Variants in COL6A5 observed in about 807,000 individuals in gnomAD.
The protein encoded by COL6A5 is collagen alpha-5(VI) chain.
Under a neutral mutation model 65.6 loss-of-function variants are expected in COL6A5, and 48 were observed. The observed-to-expected ratio is 0.73, with a 90% CI of 0.58 to 0.93. The LOEUF is 0.93. Among genes scored for constraint, COL6A5 ranks in the 40% least tolerant of loss-of-function variants. The probability of loss-of-function intolerance (pLI) is 0.00; values close to 1 mark genes in which losing one functional copy is unlikely to be tolerated. For synonymous variants in COL6A5, 291 were observed against 322.8 expected, an observed-to-expected ratio of 0.90 and a Z score of 1.05; for missense variants, 914 against 928.3, an observed-to-expected ratio of 0.98 and a Z score of 0.20.
chr3:130,417,468 T>C (rs1432795681), intron 24 of COL6A5, among the ~76,000 whole-genome samples: 1 of 152,006 alleles, frequency 6.6e-6, no homozygotes, highest in Non-Finnish European at 1.5e-5. Context: ...CTGCCCCCTT[T>C]CCCTAGGAGA....
chr3:130,405,870 C>T (rs1392522222), intron 14 of COL6A5, 123 bp from the exon 15 acceptor site: 1 of 1,036,694 alleles, frequency 9.6e-7, no homozygotes. Flanking sequence ...CATCTCTAAC[C>T]TCTTTGTAGA....
exon 6 of COL6A5, chr3:130,469,185 T>C (rs1709889901): frequency 6.2e-7 from 1 of 1,613,256 alleles, no homozygotes; most frequent in Non-Finnish European, 8.5e-7. Context: ...CAGTGGACAA[T>C]TGACAATGTC....
intron 14 of COL6A5, 41 bp from the exon 15 acceptor site, chr3:130,405,952 T>C: frequency 6.5e-7 from 1 of 1,544,796 alleles, no homozygotes; most frequent in Non-Finnish European, 8.8e-7. Context: ...ATCCACACTC[T>C]GTCTTTGATT....
chr3:130,426,502 C>A (rs1038033378), upstream of COL6A5: 3 of 1,206,882 alleles, frequency 2.5e-6, no homozygotes, highest in African/African-American at 4.5e-5. Flanking sequence ...GATGAGTTCA[C>A]TGGTGGGAAG....
At chr3:130,464,210 C>T (rs1333015226) in intron 5 of COL6A5, among the ~76,000 whole-genome samples, 1 of 152,022 alleles carries the variant, frequency 6.6e-6, no homozygotes, top group East Asian at 1.9e-4. Context: ...CAGCTCAGTG[C>T]AGCCTGAAAC....
exon 5 of COL6A5, chr3:130,455,538 T>C: frequency 6.2e-7 from 1 of 1,612,988 alleles, no homozygotes; most frequent in Non-Finnish European, 8.5e-7. Flanking sequence ...GAATCACCTT[T>C]TGTAAAGACG....
At chr3:130,411,613 G>A (rs1376653788) in intron 20 of COL6A5, among the ~76,000 whole-genome samples, 1 of 152,170 alleles carries the variant, frequency 6.6e-6, no homozygotes, top group South Asian at 2.1e-4. Context: ...AATGTAATAA[G>A]AGGAAGCAGT....
At chr3:130,382,881 C>G (rs980278975) in intron 4 of COL6A5, among the ~76,000 whole-genome samples, 2 of 152,032 alleles carry the variant, frequency 1.3e-5, no homozygotes, top group Non-Finnish European at 2.9e-5. Context: ...GCTATCAATG[C>G]CCAGGGGCTT....
Position 130,395,481 on chromosome 3 carries a change from T to C in COL6A5, c.3568+16T>C. ...GGGAAAACCAGTAAGTGCTTCTTGT[T>C]TGGTTTTCTTCCATGGAAACTTCTC... On this transcript the variant is annotated intron_variant and NMD_transcript_variant, in intron 8 of 41. Coordinates refer to the COL6A5 transcript ENST00000312481. 1.3e-6 allele frequency: 2 copies of C among 1,523,882 alleles called. No individual in the cohort carries two copies. Among genetic ancestry groups the C allele is most frequent in the Non-Finnish European group, 1.8e-6 (2 of 1,136,390 alleles). 94.4% of individuals were successfully genotyped at this position (1,523,882 alleles called of 1,614,324 possible).
chr3:130,412,144 C>T (rs4688797), intron 20 of COL6A5, among the ~76,000 whole-genome samples: 86,206 of 152,126 alleles, frequency 0.57, 27,569 homozygotes, highest in Non-Finnish European at 0.73. Flanking sequence ...AGGCCCTATG[C>T]TTTTTGCCTG....
rs759236399 is a variant in COL6A5, at chr3:130,397,813, G to A, written c.3799G>A (p.Val1267Met). 1.3e-6 allele frequency: 2 copies of A among 1,551,674 alleles called. No homozygotes were observed. The highest frequency in any genetic ancestry group is 2.0e-5 in the Admixed American group (1 of 50,996). Residue 1267 changes from valine (V) to methionine (M), a missense_variant and NMD_transcript_variant, in exon 9 of 42, where the codon GTG becomes ATG. By Grantham distance (21) the Val-to-Met change is conservative (BLOSUM62 1). Coordinates refer to the COL6A5 transcript ENST00000312481. ...CAAGTTCCAAATCTATCAGAAAGCA[G>A]TGTTTGACAGCTTGCTGCAAGTCAA...
At chr3:130,352,742 A>G (rs530559838) in intron 1 of COL6A5, among the ~76,000 whole-genome samples, 1 of 152,324 alleles carries the variant, frequency 6.6e-6, no homozygotes, top group East Asian at 1.9e-4. Flanking sequence ...AGATAACCGT[A>G]TATACTTAAT....
intron 7 of COL6A5, among the ~76,000 whole-genome samples, chr3:130,479,864 T>C (rs1024421838): frequency 6.6e-6 from 1 of 152,098 alleles, no homozygotes; most frequent in Non-Finnish European, 1.5e-5. Context: ...GAGTAACAGG[T>C]ATAATTAATA....
At chr3:130,480,232 T>C (rs955185526) in intron 7 of COL6A5, among the ~76,000 whole-genome samples, 12 of 152,030 alleles carry the variant, frequency 7.9e-5, no homozygotes, top group Non-Finnish European at 1.5e-4. Context: ...TGAACAAAAA[T>C]GTTTACTTTT....
intron 3 of COL6A5, among the ~76,000 whole-genome samples, chr3:130,442,607 T>C (rs1709211968): frequency 6.6e-6 from 1 of 152,172 alleles, no homozygotes. Context: ...CTGGTATTTA[T>C]GGGAATGTTT....
At chr3:130,394,521 G>T (rs1936525243) in intron 7 of COL6A5, among the ~76,000 whole-genome samples, 1 of 152,156 alleles carries the variant, frequency 6.6e-6, no homozygotes, top group Non-Finnish European at 1.5e-5. Flanking sequence ...CAGTAAGTAA[G>T]TGCTATTATC....
exon 7 of COL6A5, chr3:130,470,906 G>C: frequency 6.2e-7 from 1 of 1,612,576 alleles, no homozygotes; most frequent in Non-Finnish European, 8.5e-7. Flanking sequence ...AGATATGAAA[G>C]CCACATGTGT....
chr3:130,409,177 G>C (rs1028672587), intron 17 of COL6A5, 149 bp from the exon 18 acceptor site: 1 of 579,392 alleles, frequency 1.7e-6, no homozygotes, highest in Non-Finnish European at 3.0e-6. Flanking sequence ...ACTGGACTTA[G>C]TACTGCTTGA....
At position 130,394,881 on chromosome 3, in the gene COL6A5, C is replaced by G; in HGVS notation, c.2993-9C>G. The G allele has an allele frequency of 6.5e-7, 1 of 1,533,942 alleles. No individual in the cohort carries two copies. The highest frequency in any genetic ancestry group is 8.8e-7 in the Non-Finnish European group (1 of 1,140,026). On this transcript the variant is annotated splice_polypyrimidine_tract_variant and intron_variant and NMD_transcript_variant, in intron 7 of 41. Transcript: ENST00000312481. ...TGAGGAAAATAATTTATTCTTTTTT[C>G]TATTGCAGTCTGTCATCTTCAGGAA...
Sources: gnomAD v4.1 joint callset for allele counts (sites outside exome capture counted in the v4.1 genomes callset) on GRCh38, gnomAD v4.1.1 for gene constraint, MANE v1.5 for transcripts, NCBI Gene and HGNC (gene_info 2026-07-23, HGNC 2026-07-21) for gene names.